Variants in HIVEP2 observed in about 807,000 individuals in gnomAD.
HIVEP2 encodes transcription factor HIVEP2.
A neutral mutation model predicts 180.7 loss-of-function variants in HIVEP2; 14 were observed. The ratio of observed to expected loss-of-function variants is 0.08; its 90% CI spans 0.05 to 0.12. The LOEUF (loss-of-function observed/expected upper bound fraction) is 0.12, where lower values mean the gene tolerates loss of function less well. HIVEP2 is among the 10% of genes least tolerant of loss of function. HIVEP2 has a pLI of 1.00. For missense variants in HIVEP2, 2,579 were observed against 3,008.5 expected, an observed-to-expected ratio of 0.86 and a Z score of 3.34; for synonymous variants, 1,184 against 1,136.4, an observed-to-expected ratio of 1.04 and a Z score of -0.84.
At chr6:142,865,110 T>A (rs1211409275) in intron 1 of HIVEP2, among the ~76,000 whole-genome samples, 2 of 152,180 alleles carry the variant, frequency 1.3e-5, no homozygotes. Flanking sequence ...TGTTCTTTAA[T>A]AAGAAAATAA....
chr6:142,793,634 T>TCTC (rs1310540986), intron 2 of HIVEP2, among the ~76,000 whole-genome samples: 1 of 33,220 alleles, frequency 3.0e-5, no homozygotes, highest in Non-Finnish European at 5.7e-5. Context: ...CTTTCTTTCT[T>TCTC]TCTTTCTTTC....
intron 3 of HIVEP2, among the ~76,000 whole-genome samples, chr6:142,780,863 C>CTT (rs904361391): frequency 2.6e-5 from 4 of 152,124 alleles, no homozygotes; most frequent in African/African-American, 7.2e-5. Context: ...TTAGGTGACA[C>CTT]TTTTACTAAG....
At chr6:142,846,864 T>G (rs1486981791) in intron 1 of HIVEP2, among the ~76,000 whole-genome samples, 2 of 152,166 alleles carry the variant, frequency 1.3e-5, no homozygotes, top group Non-Finnish European at 1.5e-5. Flanking sequence ...TGTTCTGTGG[T>G]CTTAATCTGC....
chr6:142,829,132 A>C (rs1319485234), intron 2 of HIVEP2, among the ~76,000 whole-genome samples: 1 of 152,040 alleles, frequency 6.6e-6, no homozygotes, highest in African/African-American at 2.4e-5. Context: ...TAACCCAATC[A>C]TGTGATTCCT....
intron 7 of HIVEP2, among the ~76,000 whole-genome samples, chr6:142,762,209 C>T (rs1775261378): frequency 6.6e-6 from 1 of 152,114 alleles, no homozygotes; most frequent in Non-Finnish European, 1.5e-5. Context: ...GTTATGACAG[C>T]AATTCCTAAA....
rs113236837 is a variant in HIVEP2 at position 142,786,043 on chromosome 6, T to C, written c.-527-2428A>G. On this transcript the variant is annotated intron_variant, in intron 2 of 9. Transcript: ENST00000367603. ...GCCTCTACATGGGACTTGGTTATTG[T>C]TCTTATTGAAATGGAGATATGGAGA... Among the ~76,000 whole-genome samples, 1,145 of 152,356 alleles carry C rather than the reference T, an allele frequency of 7.5e-3. 18 individuals carry two copies. The highest frequency in any genetic ancestry group is 0.026 in the African/African-American group (1,097 of 41,584).
chr6:142,926,798 C>T (rs920392038), intron 1 of HIVEP2, among the ~76,000 whole-genome samples: 3 of 151,542 alleles, frequency 2.0e-5, no homozygotes, highest in Admixed American at 1.3e-4. Flanking sequence ...GGCGCTGGGC[C>T]CGCGGCCGAG....
At chr6:142,801,175 A>G (rs1332728575) in intron 2 of HIVEP2, among the ~76,000 whole-genome samples, 1 of 142,512 alleles carries the variant, frequency 7.0e-6, no homozygotes, top group Non-Finnish European at 1.5e-5. Context: ...GTATGAGGTC[A>G]AGCAGTGGCC....
At chr6:142,892,375 A>G (rs1362031646) in intron 1 of HIVEP2, among the ~76,000 whole-genome samples, 1 of 152,164 alleles carries the variant, frequency 6.6e-6, no homozygotes, top group Non-Finnish European at 1.5e-5. Flanking sequence ...CTCTGCTGGC[A>G]TGGATAAAGC....
chr6:142,812,903 C>A (rs1776734535), intron 2 of HIVEP2, among the ~76,000 whole-genome samples: 1 of 152,112 alleles, frequency 6.6e-6, no homozygotes, highest in African/African-American at 2.4e-5. Flanking sequence ...AACTTGAAGA[C>A]ACAGCAATAA....
At chr6:142,875,042 C>G (rs1010123823) in intron 1 of HIVEP2, among the ~76,000 whole-genome samples, 2 of 152,142 alleles carry the variant, frequency 1.3e-5, no homozygotes, top group African/African-American at 4.8e-5. Flanking sequence ...AATACATCAA[C>G]TATTAAGTTG....
In HIVEP2 at chr6:142,770,712, G is replaced by A. The variant is rs1454526196; in HGVS notation, c.4027C>T (p.Pro1343Ser). 3 of 1,614,088 alleles carry A rather than the reference G, an allele frequency of 1.9e-6. No individual in the cohort carries two copies. The highest frequency in any genetic ancestry group is 2.5e-6 in the Non-Finnish European group (3 of 1,180,016). ...GTGTACATGACACTTCCATAGGATG[G>A]TACGTGCGTCTGGATCCGAACAGGA... Reference protein sequence around the residue: ...VVPVRIQTHVPSYGSVMYTSI... With the variant: ...VVPVRIQTHVSSYGSVMYTSI... Residue 1343 changes from proline (P) to serine (S), a missense_variant, in exon 5 of 10, where the codon CCA becomes TCA. Pro to Ser is a moderately conservative substitution (Grantham distance 74). Around this residue, in one of 11 missense-constraint regions of HIVEP2, gnomAD observed 523 missense variants for 577.0 expected, o/e 0.91. Coordinates refer to ENST00000367603, the MANE Select transcript of HIVEP2 (RefSeq NM_006734.4). This position sits in a 1 kb window ranked among gnomAD's most constrained non-coding sequence, Gnocchi z 4.7.
chr6:142,878,993 T>C (rs1173476250), intron 1 of HIVEP2, among the ~76,000 whole-genome samples: 2 of 152,178 alleles, frequency 1.3e-5, no homozygotes, highest in African/African-American at 4.8e-5. Context: ...TGTCTGATCC[T>C]CTATTATGTT....
chr6:142,796,238 T>C (rs554322734), intron 2 of HIVEP2, among the ~76,000 whole-genome samples: 7 of 152,216 alleles, frequency 4.6e-5, no homozygotes, highest in Admixed American at 3.9e-4. Flanking sequence ...AAAGCTTTTA[T>C]ACAGTGACTA....
rs368520807 is a variant in HIVEP2, at chr6:142,770,595, C to T, written c.4144G>A (p.Ala1382Thr). ...TTGAATCCTATCCCTTGCATGGCTG[C>T]GTTGGTGACCAGTGTCCTTTGGGTC... is the stretch of plus-strand genomic sequence containing the variant. ...NMTQRTLVTN[A>T]AMQGIGFNIA... The change falls in exon 5 of 10, where the codon GCA (alanine) becomes ACA (threonine). Residue 1382 changes from alanine to threonine, a missense_variant. Transcript: ENST00000367603. The surrounding 1 kb of genome is among the most constrained non-coding windows in gnomAD (Gnocchi z 4.7). 9.4e-5 allele frequency: 152 copies of T among 1,614,042 alleles called. No individual in the cohort carries two copies. Among genetic ancestry groups the T allele is most frequent in the Non-Finnish European group, 1.2e-4 (136 of 1,180,028 alleles).
At chr6:142,792,033 G>A (rs907178012) in intron 2 of HIVEP2, among the ~76,000 whole-genome samples, 6 of 152,102 alleles carry the variant, frequency 3.9e-5, no homozygotes, top group Admixed American at 2.0e-4. Flanking sequence ...GGTTATTATC[G>A]TGACATAGAC....
At chr6:142,782,185 G>A (rs188630471) in intron 3 of HIVEP2, among the ~76,000 whole-genome samples, 1 of 152,170 alleles carries the variant, frequency 6.6e-6, no homozygotes, top group Non-Finnish European at 1.5e-5. Context: ...GTCTTTTGTT[G>A]AGGATTTGTG....
intron 1 of HIVEP2, among the ~76,000 whole-genome samples, chr6:142,880,875 C>T (rs1776560951): frequency 1.3e-5 from 2 of 152,160 alleles, no homozygotes; most frequent in South Asian, 2.1e-4. Context: ...TGTGTCTTCT[C>T]CCCAGCAGTT....
chr6:142,921,160 A>G lies in HIVEP2; in HGVS notation c.-641+23939T>C, dbSNP rs72566281. ...CTCCAAAACATACTAGCAGTGTGAC[A>G]AGATATTTAACTTCTCTGCCCTTCC... is the stretch of plus-strand genomic sequence containing the variant. On this transcript the variant is annotated intron_variant, in intron 1 of 9. Coordinates refer to ENST00000367603, the MANE Select transcript of HIVEP2 (RefSeq NM_006734.4). 3.6e-3 allele frequency among the ~76,000 whole-genome samples: 555 copies of G among 152,368 alleles called. 14 individuals are homozygous for G. The East Asian group carries it at 0.082, about 22-fold the overall frequency.
Sources: gnomAD v4.1 joint callset for allele counts (sites outside exome capture counted in the v4.1 genomes callset) on GRCh38, gnomAD v4.1.1 for gene constraint, gnomAD v4.1.1 regional missense constraint, Gnocchi (gnomAD v3.1) non-coding constraint, MANE v1.5 for transcripts, NCBI Gene and HGNC (gene_info 2026-07-23, HGNC 2026-07-21) for gene names.